The following CHSY3 variants were observed in gnomAD, a reference collection of about 807,000 sequenced individuals.
CHSY3 encodes N-acetylgalactosaminyl-proteoglycan 3-beta-glucuronosyltransferase 3.
A neutral mutation model predicts 67.2 loss-of-function variants in CHSY3; 35 were observed. That is an observed-to-expected ratio of 0.52 (90% CI 0.40 to 0.69). The LOEUF (loss-of-function observed/expected upper bound fraction) is 0.69, where lower values mean the gene tolerates loss of function less well. Ranked by LOEUF, CHSY3 falls within the 30% of genes least tolerant of loss-of-function variation. CHSY3 has a pLI of 0.00. For synonymous variants in CHSY3, 474 were observed against 434.7 expected, an observed-to-expected ratio of 1.09 and a Z score of -1.12; for missense variants, 1,069 against 1,138.5, an observed-to-expected ratio of 0.94 and a Z score of 0.88.
chr5:130,077,271 G>A (rs971292627), intron 2 of CHSY3, among the ~76,000 whole-genome samples: 1 of 152,020 alleles, frequency 6.6e-6, no homozygotes, highest in African/African-American at 2.4e-5. Context: ...CACACCCTCA[G>A]TGATTCTGGA....
chr5:130,141,905 C>CCTCT (rs146968423), intron 2 of CHSY3: 13,405 of 237,014 alleles, frequency 0.057, 1,019 homozygotes, highest in East Asian at 0.27. Flanking sequence ...GGTGGAGCTC[C>CCTCT]CTCTGCTGGA....
intron 2 of CHSY3, among the ~76,000 whole-genome samples, chr5:130,166,462 T>C (rs1445332391): frequency 6.6e-6 from 1 of 152,118 alleles, no homozygotes; most frequent in Admixed American, 6.6e-5. Flanking sequence ...TTATACTTAG[T>C]CTCCAGTAAG....
In CHSY3 at chr5:130,186,070, A is replaced by G. The variant is rs1359733101; in HGVS notation, c.*279A>G. 2 of 180,858 alleles carry G rather than the reference A, an allele frequency of 1.1e-5. No homozygotes were observed. The highest frequency in any genetic ancestry group is 2.0e-4 in the South Asian group (1 of 5,122). The allele number at this position is 180,858 out of a possible 1,614,324, so 11.2% of individuals were successfully genotyped here. ...GATTGAGTTAAATCATAGCAATCAAATGACTTTTGAAACGCATTCATCACA... is the reference window on the plus strand; with the variant it reads ...GATTGAGTTAAATCATAGCAATCAAGTGACTTTTGAAACGCATTCATCACA... On this transcript the variant is annotated 3_prime_UTR_variant, in exon 3 of 3. Coordinates refer to ENST00000305031, the MANE Select transcript of CHSY3 (RefSeq NM_175856.5).
At chr5:130,020,422 AATATATATAT>A (rs1174657766) in intron 2 of CHSY3, among the ~76,000 whole-genome samples, 52 of 33,330 alleles carry the variant, frequency 1.6e-3, no homozygotes, top group African/African-American at 3.6e-3. Flanking sequence ...TTCATCTCAA[AATATATATAT>A]ATATATATAT....
intron 2 of CHSY3, among the ~76,000 whole-genome samples, chr5:130,066,183 T>C (rs978979091): frequency 2.0e-5 from 3 of 152,126 alleles, no homozygotes; most frequent in African/African-American, 7.2e-5. Flanking sequence ...ATGTATCTCT[T>C]TCATTTGTCA....
chr5:130,056,261 A>G (rs948516362), intron 2 of CHSY3, among the ~76,000 whole-genome samples: 2 of 148,158 alleles, frequency 1.3e-5, no homozygotes, highest in African/African-American at 5.3e-5. Flanking sequence ...TCAGAAAGAG[A>G]AGTTTGTTAA....
chr5:130,186,427 C>T lies in CHSY3; in HGVS notation c.*636C>T, dbSNP rs1287034652. On this transcript the variant is annotated 3_prime_UTR_variant, in exon 3 of 3. Coordinates refer to ENST00000305031, the MANE Select transcript of CHSY3 (RefSeq NM_175856.5). The stretch of plus-strand genomic sequence containing the variant: ...GGTACTGGCTACCCTGGTCTTATGA[C>T]AATTATGAGCTCCTCACAACTGTCT... 1.3e-5 allele frequency: 2 copies of T among 151,270 alleles called. No individual in the cohort carries two copies. The highest frequency in any genetic ancestry group is 5.0e-5 in the African/African-American group (2 of 40,106). 9.4% of individuals were successfully genotyped at this position (151,270 alleles called of 1,614,324 possible). A position where few individuals can be genotyped will look rare whatever the true frequency, so the allele number is the denominator to read the frequency against.
At chr5:129,930,400 T>G (rs1483712492) in intron 2 of CHSY3, among the ~76,000 whole-genome samples, 2 of 147,946 alleles carry the variant, frequency 1.4e-5, no homozygotes, top group Non-Finnish European at 3.0e-5. Flanking sequence ...AGTGTAGCTA[T>G]GGAAACAAGA....
intron 2 of CHSY3, among the ~76,000 whole-genome samples, chr5:130,067,490 C>T (rs991615104): frequency 3.9e-5 from 6 of 152,090 alleles, no homozygotes; most frequent in African/African-American, 9.7e-5. Context: ...GTAATGAAAG[C>T]ATGATTCTAG....
chr5:130,115,832 T>A (rs1408000935), intron 2 of CHSY3, among the ~76,000 whole-genome samples: 1 of 152,226 alleles, frequency 6.6e-6, no homozygotes, highest in East Asian at 1.9e-4. Context: ...GCTTTTCTTG[T>A]GAATGGCAGT....
At chr5:130,077,100 T>C (rs1766289940) in intron 2 of CHSY3, among the ~76,000 whole-genome samples, 1 of 147,006 alleles carries the variant, frequency 6.8e-6, no homozygotes, top group South Asian at 2.2e-4. Context: ...AGTATAATAA[T>C]AATAAAATAA....
At chr5:130,060,007 C>T (rs769128729) in intron 2 of CHSY3, among the ~76,000 whole-genome samples, 5 of 151,922 alleles carry the variant, frequency 3.3e-5, no homozygotes, top group African/African-American at 7.3e-5. Flanking sequence ...AAACTGGTAC[C>T]GGTCTTACTG....
chr5:130,044,180 A>G (rs1374127862), intron 2 of CHSY3, among the ~76,000 whole-genome samples: 2 of 152,156 alleles, frequency 1.3e-5, no homozygotes, highest in African/African-American at 2.4e-5. Flanking sequence ...ATGATTATCT[A>G]GGAACTTCAT....
chr5:130,098,990 T>C (rs564372251), intron 2 of CHSY3, among the ~76,000 whole-genome samples: 194 of 152,312 alleles, frequency 1.3e-3, no homozygotes, highest in African/African-American at 4.2e-3. Context: ...ACCCTAAATA[T>C]GCACCTGGAC....
chr5:130,143,286 G>A (rs1367987307), intron 2 of CHSY3, among the ~76,000 whole-genome samples: 3 of 152,068 alleles, frequency 2.0e-5, no homozygotes, highest in Admixed American at 2.0e-4. Context: ...CTCCAGAGTA[G>A]GTTGTGATTA....
chr5:129,941,064 T>C (rs571922417), intron 2 of CHSY3, among the ~76,000 whole-genome samples: 3 of 151,900 alleles, frequency 2.0e-5, no homozygotes, highest in Admixed American at 6.6e-5. Context: ...ACAAAAAAAA[T>C]ACAAAAATTA....
At chr5:130,038,374 G>A (rs1764917183) in intron 2 of CHSY3, among the ~76,000 whole-genome samples, 1 of 151,714 alleles carries the variant, frequency 6.6e-6, no homozygotes, top group African/African-American at 2.4e-5. Context: ...CTCGAAAATA[G>A]ACTTCTTAAA....
At chr5:129,919,647 A>G (rs1055067517) in intron 2 of CHSY3, among the ~76,000 whole-genome samples, 3 of 152,132 alleles carry the variant, frequency 2.0e-5, no homozygotes, top group African/African-American at 4.8e-5. Flanking sequence ...TATGAGGGAA[A>G]CGGCCCCATG....
chr5:130,159,000 C>T (rs1039220364), intron 2 of CHSY3, among the ~76,000 whole-genome samples: 1 of 152,026 alleles, frequency 6.6e-6, no homozygotes, highest in Non-Finnish European at 1.5e-5. Context: ...GCAGTTTCAC[C>T]ATGTTGCCCA....
Sources: gnomAD v4.1 joint callset for allele counts (sites outside exome capture counted in the v4.1 genomes callset) on GRCh38, gnomAD v4.1.1 for gene constraint, MANE v1.5 for transcripts, NCBI Gene and HGNC (gene_info 2026-07-23, HGNC 2026-07-21) for gene names.